Variants in CRIM1 observed in about 807,000 individuals in gnomAD.
The protein encoded by CRIM1 is cysteine-rich motor neuron 1 protein.
In CRIM1, 32 loss-of-function variants were observed where a neutral mutation model predicts 116.4. That is an observed-to-expected ratio of 0.27 (90% CI 0.21 to 0.37). The LOEUF (loss-of-function observed/expected upper bound fraction) is 0.37, where lower values mean the gene tolerates loss of function less well. Ranked by LOEUF, CRIM1 falls within the 10% of genes least tolerant of loss-of-function variation. CRIM1 has a pLI of 1.00. For missense variants in CRIM1, 1,331 were observed against 1,354.8 expected, an observed-to-expected ratio of 0.98 and a Z score of 0.28; for synonymous variants, 590 against 509.2, an observed-to-expected ratio of 1.16 and a Z score of -2.13.
chr2:36,506,714 G>C (rs1376352602), intron 8 of CRIM1, among the ~76,000 whole-genome samples: 1 of 152,082 alleles, frequency 6.6e-6, no homozygotes, highest in Non-Finnish European at 1.5e-5. Context: ...TCACGGTAAA[G>C]TCATGACGCT....
chr2:36,492,114 A>C (rs1242296895), intron 7 of CRIM1, among the ~76,000 whole-genome samples: 1 of 152,226 alleles, frequency 6.6e-6, no homozygotes, highest in African/African-American at 2.4e-5. Context: ...TAATATGTCT[A>C]ACAGCCAAGA....
intron 1 of CRIM1, among the ~76,000 whole-genome samples, chr2:36,389,754 C>T (rs184254454): frequency 2.6e-5 from 4 of 152,234 alleles, no homozygotes; most frequent in South Asian, 2.1e-4. Context: ...AGTACGTGCA[C>T]TCATACCTGA....
intron 14 of CRIM1, among the ~76,000 whole-genome samples, chr2:36,543,688 A>ATTT (rs869081095): frequency 7.6e-6 from 1 of 131,168 alleles, no homozygotes; most frequent in African/African-American, 2.9e-5. Context: ...AAAAGTTCTG[A>ATTT]TTTTTTTTTT....
At chr2:36,492,372 G>A (rs757598361) in intron 7 of CRIM1, among the ~76,000 whole-genome samples, 8 of 152,120 alleles carry the variant, frequency 5.3e-5, no homozygotes, top group Non-Finnish European at 7.4e-5. Flanking sequence ...AACTCCAACC[G>A]TAAGAGACTT....
intron 9 of CRIM1, among the ~76,000 whole-genome samples, chr2:36,510,565 G>C (rs1664597047): frequency 6.6e-6 from 1 of 152,184 alleles, no homozygotes; most frequent in Non-Finnish European, 1.5e-5. Context: ...TTGAAATACA[G>C]TGCATCCTTA....
chr2:36,364,313 A>T (rs1442626057), intron 1 of CRIM1, among the ~76,000 whole-genome samples: 1 of 152,236 alleles, frequency 6.6e-6, no homozygotes, highest in East Asian at 1.9e-4. Flanking sequence ...GAGTATGCAT[A>T]TTAAAAGACC....
At chr2:36,415,176 C>G (rs936877000) in intron 2 of CRIM1, among the ~76,000 whole-genome samples, 53 of 152,150 alleles carry the variant, frequency 3.5e-4, no homozygotes, top group African/African-American at 1.3e-3. Context: ...CAGAGTGACC[C>G]CAGGGTTCTG....
At chr2:36,370,205 T>TC (rs1409779217) in intron 1 of CRIM1, among the ~76,000 whole-genome samples, 1 of 152,110 alleles carries the variant, frequency 6.6e-6, no homozygotes, top group African/African-American at 2.4e-5. Flanking sequence ...AAAGCTTTTT[T>TC]TTTTTTTTTT....
chr2:36,528,929 T>G (rs1465814253), intron 13 of CRIM1, among the ~76,000 whole-genome samples: 1 of 152,230 alleles, frequency 6.6e-6, no homozygotes. Context: ...AGCAGCTTTC[T>G]CTTCTCACTT....
At chr2:36,415,675 G>A (rs947766761) in intron 2 of CRIM1, among the ~76,000 whole-genome samples, 7 of 152,178 alleles carry the variant, frequency 4.6e-5, no homozygotes, top group Non-Finnish European at 8.8e-5. Context: ...ATGAAAGATT[G>A]TGAGTGTCAT....
At position 36,411,221 on chromosome 2, in the gene CRIM1, T is replaced by C. The variant is rs116681560; in HGVS notation, c.505+14434T>C. On this transcript the variant is annotated intron_variant, in intron 2 of 16. Coordinates refer to ENST00000280527, the MANE Select transcript of CRIM1 (RefSeq NM_016441.3). Reference sequence around the variant, plus strand: ...CTTATTTCTGTTTCATCTGGAATTTTTCAAATACAATTATTATGTGGTGTT... The same window carrying C: ...CTTATTTCTGTTTCATCTGGAATTTCTCAAATACAATTATTATGTGGTGTT... Among the ~76,000 whole-genome samples, 687 of 152,322 alleles carry C rather than the reference T, an allele frequency of 4.5e-3. 2 individuals are homozygous for C. The highest frequency in any genetic ancestry group is 0.015 in the African/African-American group (642 of 41,582).
intron 5 of CRIM1, among the ~76,000 whole-genome samples, chr2:36,475,481 G>C (rs1678899827): frequency 6.6e-6 from 1 of 152,064 alleles, no homozygotes. Context: ...TTTTTTAGTG[G>C]ATCCCTTAAA....
Position 36,441,376 on chromosome 2 carries a change from C to T in CRIM1, c.624C>T (p.Ser208=), listed in dbSNP as rs1675810829. The change falls in exon 3 of 17, where the codon AGC becomes AGT. Residue 208 remains serine (S), a synonymous_variant. Coordinates refer to ENST00000280527, the MANE Select transcript of CRIM1 (RefSeq NM_016441.3). ...CTGGGGAGTGCTGTCCCTTACCCAGCCGCTGCGTGTGCAACCCCGCAGGCT... is the reference window on the plus strand; with the variant it reads ...CTGGGGAGTGCTGTCCCTTACCCAGTCGCTGCGTGTGCAACCCCGCAGGCT... The part of the protein sequence containing the change: ...APPGECCPLP[S]RCVCNPAGCL... 6.2e-7 allele frequency: 1 copy of T among 1,614,198 alleles called. No homozygotes were observed. Among genetic ancestry groups the T allele is most frequent in the Non-Finnish European group, 8.5e-7 (1 of 1,180,022 alleles).
chr2:36,533,795 T>C (rs1666283640), intron 13 of CRIM1, among the ~76,000 whole-genome samples: 1 of 152,200 alleles, frequency 6.6e-6, no homozygotes, highest in African/African-American at 2.4e-5. Context: ...GATACATCAG[T>C]TGAAATTATT....
At chr2:36,546,842 A>T (rs1667377009) in intron 15 of CRIM1, 142 bp from the exon 16 acceptor site, 1 of 543,268 alleles carries the variant, frequency 1.8e-6, no homozygotes, top group South Asian at 2.4e-5. Context: ...TTGGATCAAC[A>T]TTAGATTTTA....
chr2:36,539,266 A>C (rs1049839942), intron 14 of CRIM1, among the ~76,000 whole-genome samples: 1 of 152,190 alleles, frequency 6.6e-6, no homozygotes. Context: ...GAACAGGCAG[A>C]ACCTCTGGGT....
chr2:36,364,135 A>C (rs1669433644), intron 1 of CRIM1, among the ~76,000 whole-genome samples: 1 of 152,192 alleles, frequency 6.6e-6, no homozygotes, highest in African/African-American at 2.4e-5. Flanking sequence ...TAGTGTGCAC[A>C]CAAATCACCT....
intron 14 of CRIM1, 37 bp downstream of exon 14, chr2:36,537,583 AATGTTG>A: frequency 1.3e-6 from 2 of 1,549,270 alleles, no homozygotes; most frequent in East Asian, 4.6e-5. Context: ...GTCAAGCTGT[AATGTTG>A]ATTTAAGATG....
At chr2:36,500,974 C>G (rs1387017942) in intron 8 of CRIM1, among the ~76,000 whole-genome samples, 1 of 152,138 alleles carries the variant, frequency 6.6e-6, no homozygotes. Flanking sequence ...TGTACTGGCT[C>G]CTGGTAGTCA....
Sources: gnomAD v4.1 joint callset for allele counts (sites outside exome capture counted in the v4.1 genomes callset) on GRCh38, gnomAD v4.1.1 for gene constraint, MANE v1.5 for transcripts, NCBI Gene and HGNC (gene_info 2026-07-23, HGNC 2026-07-21) for gene names.